Variants in MED24 observed in about 807,000 individuals in gnomAD.
MED24 encodes mediator of RNA polymerase II transcription subunit 24.
Under a neutral mutation model 118.8 loss-of-function variants are expected in MED24, and 74 were observed. The observed-to-expected ratio is 0.62, with a 90% CI of 0.52 to 0.76. The LOEUF (loss-of-function observed/expected upper bound fraction) is 0.76, where lower values mean the gene tolerates loss of function less well. MED24 is among the 30% of genes least tolerant of loss of function. The probability of loss-of-function intolerance (pLI) is 0.00; values close to 1 mark genes in which losing one functional copy is unlikely to be tolerated. For synonymous variants in MED24, 521 were observed against 523.9 expected, an observed-to-expected ratio of 0.99 and a Z score of 0.08; for missense variants, 1,041 against 1,278.9, an observed-to-expected ratio of 0.81 and a Z score of 2.84.
chr17:40,036,184 G>C (rs1162275054), intron 3 of MED24, 30 bp from the exon 4 acceptor site: 1 of 1,594,710 alleles, frequency 6.3e-7, no homozygotes, highest in African/African-American at 1.3e-5. Flanking sequence ...ATAATCTTTA[G>C]ACAACTAGTC....
intron 3 of MED24, among the ~76,000 whole-genome samples, chr17:40,046,393 T>A (rs1261163362): frequency 5.4e-5 from 8 of 149,374 alleles, no homozygotes; most frequent in Admixed American, 4.0e-4. Flanking sequence ...CCTAAAAAAA[T>A]TTTTAATAAA....
intron 3 of MED24, among the ~76,000 whole-genome samples, chr17:40,052,366 A>G (rs1442091145): frequency 6.6e-6 from 1 of 152,232 alleles, no homozygotes; most frequent in Non-Finnish European, 1.5e-5. Flanking sequence ...GTGGTATATC[A>G]GCACATCACC....
intron 12 of MED24, among the ~76,000 whole-genome samples, chr17:40,030,067 C>G (rs1983183611): frequency 1.3e-5 from 2 of 152,204 alleles, no homozygotes; most frequent in African/African-American, 4.8e-5. Context: ...AGGTCTCACT[C>G]TGTTGCCCAG....
At chr17:40,037,933 C>T (rs1212870237) in intron 3 of MED24, among the ~76,000 whole-genome samples, 2 of 151,584 alleles carry the variant, frequency 1.3e-5, no homozygotes, top group East Asian at 3.9e-4. Flanking sequence ...AAAGAAATGT[C>T]ACACACATAC....
chr17:40,037,214 G>GGAAGGAA (rs1568168407), intron 3 of MED24, among the ~76,000 whole-genome samples: 78 of 142,826 alleles, frequency 5.5e-4, no homozygotes, highest in African/African-American at 2.1e-3. Flanking sequence ...GAGAGAAAGA[G>GGAAGGAA]GGAAGGAAGG....
At chr17:40,053,754 T>C (rs983548730) in intron 1 of MED24, 119 bp from the exon 2 acceptor site, 24 of 1,344,616 alleles carry the variant, frequency 1.8e-5, no homozygotes, top group African/African-American at 1.6e-4. Context: ...ACAGAGGAAT[T>C]TGAAAGAAAA....
intron 3 of MED24, among the ~76,000 whole-genome samples, chr17:40,038,360 G>T (rs1984184472): frequency 6.6e-6 from 1 of 152,080 alleles, no homozygotes. Flanking sequence ...ACCATCATAA[G>T]ACTGGATATC....
In MED24 at chr17:40,033,363, C is replaced by T. The variant is rs1319405221; in HGVS notation, c.653G>A (p.Cys218Tyr). The T allele has an allele frequency of 6.2e-7, 1 of 1,613,142 alleles. No individual in the cohort carries two copies. The highest frequency in any genetic ancestry group is 1.7e-5 in the Admixed American group (1 of 59,886). The part of the protein sequence containing the change: ...NPQLRSQAEQ[C>Y]GTLIRSIPTM... Reference sequence around the variant, plus strand: ...CCGGTACCTCCTAATGAGGGTGCCACACTGCTCGGCCTGACTCCGGAGCTG... The same window carrying T: ...CCGGTACCTCCTAATGAGGGTGCCATACTGCTCGGCCTGACTCCGGAGCTG... Residue 218 changes from cysteine (C) to tyrosine (Y), a missense_variant, in exon 7 of 26, where the codon TGT becomes TAT. Physicochemically the swap from Cys to Tyr is radical, Grantham distance 194. Around this residue, in one of 3 missense-constraint regions of MED24, gnomAD observed 434 missense variants for 514.9 expected, o/e 0.84. Transcript: ENST00000394128. This position sits in a 1 kb window ranked among gnomAD's most constrained non-coding sequence, Gnocchi z 5.2.
chr17:40,047,034 GA>G (rs1205355997), intron 3 of MED24, among the ~76,000 whole-genome samples: 2 of 151,962 alleles, frequency 1.3e-5, no homozygotes, highest in African/African-American at 2.4e-5. Flanking sequence ...CTTGAGCCCA[GA>G]AGGATGAGGC....
chr17:40,036,411 C>A (rs1983935015), intron 3 of MED24, among the ~76,000 whole-genome samples: 1 of 152,174 alleles, frequency 6.6e-6, no homozygotes, highest in Admixed American at 6.5e-5. Context: ...ATGTTTCAGG[C>A]CGAGCATGGT....
rs763637309 is a variant in MED24, at chr17:40,022,628, T to C, written c.2432+17A>G. 6.2e-7 allele frequency: 1 copy of C among 1,612,564 alleles called. No homozygotes were observed. The highest frequency in any genetic ancestry group is 8.5e-7 in the Non-Finnish European group (1 of 1,179,822). ...CCTGGGTGGCCGGAGCAGGGCAAGC[T>C]CTGAAGAGAATCTTACTTGGCAAGA... On this transcript the variant is annotated intron_variant, in intron 21 of 25. Transcript: ENST00000394128.
rs373051060 is a variant in MED24, at chr17:40,033,099, G to C, written c.779C>G (p.Thr260Arg). The C allele has an allele frequency of 6.2e-7, 1 of 1,614,124 alleles. No homozygotes were observed. Reference protein sequence around the residue: ...LEGTMNLTGETQSLVEQLTMV... With the variant: ...LEGTMNLTGERQSLVEQLTMV... ...CGTCAGCTGCTCCACCAGGGACTGC[G>C]TCTCGCCTGTCAGGTTCATGGTGCC... Residue 260 changes from threonine to arginine, a missense_variant, in exon 8 of 26, where the codon ACG becomes AGG. Transcript: ENST00000394128. The surrounding 1 kb of genome is among the most constrained non-coding windows in gnomAD (Gnocchi z 5.2).
At chr17:40,020,871 G>A (rs1306412581) in intron 23 of MED24, among the ~76,000 whole-genome samples, 1 of 152,070 alleles carries the variant, frequency 6.6e-6, no homozygotes, top group Non-Finnish European at 1.5e-5. Flanking sequence ...TCAGGAGTTC[G>A]AGACCAGCCT....
At chr17:40,045,729 T>C (rs942291455) in intron 3 of MED24, among the ~76,000 whole-genome samples, 1 of 152,106 alleles carries the variant, frequency 6.6e-6, no homozygotes, top group Admixed American at 6.6e-5. Flanking sequence ...TGAGCCACTA[T>C]TGTGCCACTG....
chr17:40,023,191 G>C lies in MED24; in HGVS notation c.2190C>G (p.His730Gln). The C allele has an allele frequency of 6.2e-7, 1 of 1,614,180 alleles. No individual in the cohort carries two copies. The highest frequency in any genetic ancestry group is 1.3e-5 in the African/African-American group (1 of 75,044). Residue 730 changes from histidine (H) to glutamine (Q), a missense_variant, in exon 20 of 26, where the codon CAC becomes CAG. Physicochemically the swap from His to Gln is conservative, Grantham distance 24. Around this residue, in one of 3 missense-constraint regions of MED24, gnomAD observed 587 missense variants for 694.4 expected, o/e 0.85. Transcript: ENST00000394128. ...EKGWVDSRSI[H>Q]IFDTLLHMGG... ...CCATGTGCAGCAGGGTGTCAAAGAT[G>C]TGGATGGAGCGGCTGTCCACCCAGC...
chr17:40,035,324 T>C lies in MED24; in HGVS notation c.352A>G (p.Ile118Val), dbSNP rs540415066. Residue 118 changes from isoleucine (I) to valine (V), a missense_variant, in exon 6 of 26, where the codon ATC becomes GTC. Ile to Val is a conservative substitution (Grantham distance 29). Coordinates refer to ENST00000394128, the MANE Select transcript of MED24 (RefSeq NM_014815.4). Reference sequence around the variant, plus strand: ...CTAAGAAGGGCTCGGCACAGTCCGATGCATTCCTCTGCTTTGCCGTGACAG... The same window carrying C: ...CTAAGAAGGGCTCGGCACAGTCCGACGCATTCCTCTGCTTTGCCGTGACAG... Reference protein sequence around the residue: ...LSCHGKAEECIGLCRALLSAL... With the variant: ...LSCHGKAEECVGLCRALLSAL... 32 of 1,596,114 alleles carry C rather than the reference T, an allele frequency of 2.0e-5. No individual in the cohort carries two copies. In the South Asian group the frequency reaches 3.4e-4, roughly 17 times the overall value.
chr17:40,020,490 C>T, intron 23 of MED24, 137 bp from the exon 24 acceptor site: 1 of 1,537,594 alleles, frequency 6.5e-7, no homozygotes, highest in Non-Finnish European at 8.8e-7. Context: ...ACCCTGAGAT[C>T]AAGAGCACAA....
intron 3 of MED24, among the ~76,000 whole-genome samples, chr17:40,039,671 G>T (rs1379651599): frequency 7.9e-5 from 12 of 152,046 alleles, no homozygotes; most frequent in African/African-American, 2.2e-4. Context: ...TTGAGACAGG[G>T]TCTCGCTCTG....
At chr17:40,026,805 C>T in intron 17 of MED24, 51 bp downstream of exon 17, 1 of 1,611,216 alleles carries the variant, frequency 6.2e-7, no homozygotes, top group Non-Finnish European at 8.5e-7. Context: ...GGGAGCGGGT[C>T]TTGACCCTGC....
Sources: allele counts gnomAD v4.1 joint callset (sites outside exome capture counted in the v4.1 genomes callset), GRCh38; gene constraint gnomAD v4.1.1; regional missense constraint gnomAD v4.1.1; non-coding constraint Gnocchi (gnomAD v3.1); transcripts MANE v1.5; gene names NCBI Gene and HGNC (gene_info 2026-07-23, HGNC 2026-07-21).